The following INSRR variants were observed in gnomAD, a reference collection of about 807,000 sequenced individuals.
INSRR encodes insulin receptor related receptor, also known as insulin receptor-related protein.
INSRR carries 114 observed loss-of-function variants against 130.0 expected under a neutral mutation model. That is an observed-to-expected ratio of 0.88 (90% CI 0.75 to 1.02). The LOEUF (loss-of-function observed/expected upper bound fraction) is 1.02. Ranked by LOEUF, INSRR falls within the 50% of genes least tolerant of loss-of-function variation. The probability of loss-of-function intolerance (pLI) is 0.00; values close to 1 mark genes in which losing one functional copy is unlikely to be tolerated. For synonymous variants in INSRR, 674 were observed against 705.2 expected, an observed-to-expected ratio of 0.96 and a Z score of 0.70; for missense variants, 1,657 against 1,735.2, an observed-to-expected ratio of 0.95 and a Z score of 0.80.
Position 156,854,027 on chromosome 1 carries a change from G to A in INSRR, c.362C>T (p.Pro121Leu). Residue 121 changes from proline to leucine, a missense_variant, in exon 2 of 22, where the codon CCA becomes CTA. By Grantham distance (98) the Pro-to-Leu change is moderately conservative (BLOSUM62 -3). Coordinates refer to ENST00000368195, the MANE Select transcript of INSRR (RefSeq NM_014215.3). The surrounding 1 kb of genome is among the most constrained non-coding windows in gnomAD (Gnocchi z 4.2). ...AGGCAGTGCCACGTCACGCAGATGTGGCATCTCAAAGATGACCAGTGCATA... is the reference window on the plus strand; with the variant it reads ...AGGCAGTGCCACGTCACGCAGATGTAGCATCTCAAAGATGACCAGTGCATA... ...LGYALVIFEM[P>L]HLRDVALPAL... The A allele has an allele frequency of 5.0e-6, 8 of 1,614,046 alleles. No homozygotes were observed. Among genetic ancestry groups the A allele is most frequent in the Non-Finnish European group, 6.8e-6 (8 of 1,179,994 alleles).
At position 156,852,197 on chromosome 1, in the gene INSRR, G is replaced by C. The variant is rs1655241053; in HGVS notation, c.638-6C>G. 4 of 1,582,974 alleles carry C rather than the reference G, an allele frequency of 2.5e-6. No homozygotes were observed. The highest frequency in any genetic ancestry group is 3.4e-6 in the Non-Finnish European group (4 of 1,161,718). On this transcript the variant is annotated splice_region_variant and splice_polypyrimidine_tract_variant and intron_variant, in intron 2 of 21. Coordinates refer to ENST00000368195, the MANE Select transcript of INSRR (RefSeq NM_014215.3). ...CCCATGGGGGCAGGGGCACACTGTG[G>C]GGAGAGTGGTGTGTTAGACGTTGGC...
At chr1:156,844,097 A>T (rs984573138) in intron 15 of INSRR, 78 bp downstream of exon 15, 1 of 1,049,202 alleles carries the variant, frequency 9.5e-7, no homozygotes, top group Non-Finnish European at 1.5e-6. Flanking sequence ...CTACTGTCTC[A>T]TCTACCTCCC....
At chr1:156,857,097 G>A (rs923055877) in intron 1 of INSRR, among the ~76,000 whole-genome samples, 2 of 151,676 alleles carry the variant, frequency 1.3e-5, no homozygotes, top group Admixed American at 1.3e-4. Flanking sequence ...CTCCCTGGGG[G>A]TTACTTCACA....
chr1:156,848,830 T>C, intron 7 of INSRR, 91 bp downstream of exon 7: 5 of 1,459,578 alleles, frequency 3.4e-6, no homozygotes, highest in Non-Finnish European at 4.6e-6. Flanking sequence ...CTTCATAGCC[T>C]CGCTGAGCTC....
At position 156,841,003 on chromosome 1, in the gene INSRR, C is replaced by T. The variant is rs781090784; in HGVS notation, c.3764G>A (p.Arg1255His). 2.9e-5 allele frequency: 47 copies of T among 1,611,998 alleles called. No homozygotes were observed. Among genetic ancestry groups the T allele is most frequent in the East Asian group, 2.2e-4 (10 of 44,844 alleles). The change falls in exon 22 of 22, where the codon CGC (arginine) becomes CAC (histidine). Residue 1255 changes from arginine (R) to histidine (H), a missense_variant. Coordinates refer to ENST00000368195, the MANE Select transcript of INSRR (RefSeq NM_014215.3). ...SIQEELRPSF[R>H]LLSFYYSPEC... Reference sequence around the variant, plus strand: ...CGGGCTGTAGTAGAAGGAGAGGAGGCGGAAGGAGGGCCGCAGCTCCTCCTG... The same window carrying T: ...CGGGCTGTAGTAGAAGGAGAGGAGGTGGAAGGAGGGCCGCAGCTCCTCCTG...
chr1:156,841,607 C>T (rs1471063798), intron 20 of INSRR, 58 bp downstream of exon 20: 5 of 1,609,304 alleles, frequency 3.1e-6, no homozygotes, highest in African/African-American at 1.3e-5. Flanking sequence ...GTGTTCCAGG[C>T]CCCTCCCCAG....
At position 156,845,783 on chromosome 1, in the gene INSRR, C is replaced by T. The variant is rs1232395470; in HGVS notation, c.2010G>A (p.Pro670=). 1 of 1,613,114 alleles carries T rather than the reference C, an allele frequency of 6.2e-7. No homozygotes were observed. The highest frequency in any genetic ancestry group is 2.2e-5 in the East Asian group (1 of 44,868). Residue 670 remains proline, a synonymous_variant, in exon 10 of 22, where the codon CCG becomes CCA. Coordinates refer to ENST00000368195, the MANE Select transcript of INSRR (RefSeq NM_014215.3). ...GLRLPTSNND[P]RFDGEDGDPE... Reference sequence around the variant, plus strand: ...GATCCCCGTCTTCGCCGTCGAAGCGCGGATCGTTGTTGCTGGTGGGCAGCC... The same window carrying T: ...GATCCCCGTCTTCGCCGTCGAAGCGTGGATCGTTGTTGCTGGTGGGCAGCC...
Position 156,852,121 on chromosome 1 carries a change from GCCCC to G in INSRR, c.704_707del (p.Gly235AlafsTer12). ...CACGAGGGTCTTCTGGCTGGCTGCA[GCCCC>G]CCAGGCATTCGGTGTGGCAGCACTC... is the stretch of plus-strand genomic sequence containing the variant. On this transcript the variant is annotated frameshift_variant, in exon 3 of 22. Coordinates refer to ENST00000368195, the MANE Select transcript of INSRR (RefSeq NM_014215.3). LOFTEE classifies it high-confidence loss of function. 6.2e-7 allele frequency: 1 copy of G among 1,613,482 alleles called. No individual in the cohort carries two copies.
In INSRR at chr1:156,852,166, A is replaced by T; in HGVS notation, c.663T>A (p.Ala221=). The change falls in exon 3 of 22, where the codon GCT becomes GCA. Residue 221 remains alanine, a synonymous_variant. Coordinates refer to ENST00000368195, the MANE Select transcript of INSRR (RefSeq NM_014215.3). ...GGCAGCACTCGCCCCTCGCTGTGCA[A>T]GCCATCCCATGGGGGCAGGGGCACA... ...QRVCPCPHGM[A]CTARGECCHT... The T allele has an allele frequency of 6.2e-7, 1 of 1,605,444 alleles. No homozygotes were observed. Among genetic ancestry groups the T allele is most frequent in the Non-Finnish European group, 8.5e-7 (1 of 1,174,730 alleles).
intron 1 of INSRR, among the ~76,000 whole-genome samples, chr1:156,857,987 AGGAAGAG>A (rs1459361694): frequency 2.0e-5 from 3 of 151,798 alleles, no homozygotes; most frequent in Non-Finnish European, 2.9e-5. Context: ...TGGGGTGTTG[AGGAAGAG>A]CAGTCTTCCC....
Position 156,841,538 on chromosome 1 carries a change from T to G in INSRR, c.3528-10A>C, listed in dbSNP as rs1476386245. 1 of 1,613,940 alleles carries G rather than the reference T, an allele frequency of 6.2e-7. No homozygotes were observed. Among genetic ancestry groups the G allele is most frequent in the Non-Finnish European group, 8.5e-7 (1 of 1,179,942 alleles). ...TACCACGCCAAAGGACCTGGGGGCA[T>G]GCAGGAGCTCCTGAGCCCAGCACCC... On this transcript the variant is annotated splice_polypyrimidine_tract_variant and intron_variant, in intron 20 of 21. Transcript: ENST00000368195.
At chr1:156,850,462 C>T (rs1377890918) in intron 5 of INSRR, among the ~76,000 whole-genome samples, 1 of 151,170 alleles carries the variant, frequency 6.6e-6, no homozygotes, top group African/African-American at 2.4e-5. Flanking sequence ...ATCCTCCTGC[C>T]TTGCCCTCCC....
At position 156,849,273 on chromosome 1, in the gene INSRR, G is replaced by A. The variant is rs1655121034; in HGVS notation, c.1417C>T (p.Pro473Ser). Residue 473 changes from proline (P) to serine (S), a missense_variant, in exon 6 of 22, where the codon CCC (proline) becomes TCC (serine). Coordinates refer to ENST00000368195, the MANE Select transcript of INSRR (RefSeq NM_014215.3). ...RGRQNKAEIN[P>S]RTNGDRAACQ... The stretch of plus-strand genomic sequence containing the variant: ...GCGGCGCGGTCTCCGTTGGTGCGGG[G>A]GTTGATCTCAGCCTTGTTCTGCCGA... 2.5e-6 allele frequency: 4 copies of A among 1,613,962 alleles called. No homozygotes were observed. Among genetic ancestry groups the A allele is most frequent in the Non-Finnish European group, 3.4e-6 (4 of 1,180,018 alleles).
intron 1 of INSRR, among the ~76,000 whole-genome samples, chr1:156,857,774 G>T (rs973225615): frequency 1.3e-5 from 2 of 152,226 alleles, no homozygotes; most frequent in African/African-American, 4.8e-5. Flanking sequence ...TTCCTGAGCT[G>T]CTTCAGTTTG....
intron 1 of INSRR, among the ~76,000 whole-genome samples, chr1:156,855,480 C>G (rs925797656): frequency 3.3e-5 from 5 of 151,942 alleles, no homozygotes; most frequent in Admixed American, 3.3e-4. Flanking sequence ...GCTGGGATTA[C>G]AGGCGTGAAC....
At position 156,842,113 on chromosome 1, in the gene INSRR, C is replaced by T. The variant is rs1306587682; in HGVS notation, c.3396G>A (p.Gly1132=). 1.2e-5 allele frequency: 20 copies of T among 1,613,898 alleles called. No homozygotes were observed. The highest frequency in any genetic ancestry group is 1.6e-5 in the Non-Finnish European group (19 of 1,180,008). Residue 1132 remains glycine (G), a splice_region_variant and synonymous_variant, in exon 19 of 22, where the codon GGG becomes GGA. Coordinates refer to ENST00000368195, the MANE Select transcript of INSRR (RefSeq NM_014215.3). ...MVSQDFTVKI[G]DFGMTRDVYE... ...TCATCTGCCTGGCACCCTCTGTACC[C>T]CCGATCTTGACGGTGAAGTCCTGGG...
chr1:156,846,028 G>T lies in INSRR; in HGVS notation c.1902C>A (p.Asn634Lys). ...RWKPPTQRNG[N>K]LTYYLVLWQR... ...GCCACAGCACCAGGTAGTAGGTGAG[G>T]TTCCCATTGCGCTGGGTCGGTGGCT... The change falls in exon 9 of 22, where the codon AAC becomes AAA. Residue 634 changes from asparagine (N) to lysine (K), a missense_variant. Asn to Lys is a moderately conservative substitution (Grantham distance 94). Coordinates refer to ENST00000368195, the MANE Select transcript of INSRR (RefSeq NM_014215.3). The T allele has an allele frequency of 1.2e-6, 2 of 1,614,114 alleles. No homozygotes were observed. The highest frequency in any genetic ancestry group is 1.7e-6 in the Non-Finnish European group (2 of 1,180,006).
intron 8 of INSRR, 88 bp from the exon 9 acceptor site, chr1:156,846,207 C>A (rs1655002436): frequency 7.4e-7 from 1 of 1,343,658 alleles, no homozygotes; most frequent in Non-Finnish European, 1.0e-6. Context: ...TGGGGTCCAA[C>A]AGCCTTGTTC....
In INSRR at chr1:156,858,595, C is replaced by G; in HGVS notation, c.27G>C (p.Trp9Cys). The G allele has an allele frequency of 6.2e-7, 1 of 1,614,118 alleles. No homozygotes were observed. The highest frequency in any genetic ancestry group is 1.3e-5 in the African/African-American group (1 of 75,036). The change falls in exon 1 of 22, where the codon TGG becomes TGC. Residue 9 changes from tryptophan (W) to cysteine (C), a missense_variant. Trp to Cys is a radical substitution (Grantham distance 215, BLOSUM62 -2). Coordinates refer to ENST00000368195, the MANE Select transcript of INSRR (RefSeq NM_014215.3). ...GGAAGATCACAGGCAGGCATGCTCC[C>G]CAGGGCCACAGACTAGGCACTGCCA... is the stretch of plus-strand genomic sequence containing the variant. MAVPSLWP[W>C]GACLPVIFLS...
Sources: gnomAD v4.1 joint callset for allele counts (sites outside exome capture counted in the v4.1 genomes callset) on GRCh38, gnomAD v4.1.1 for gene constraint, Gnocchi (gnomAD v3.1) non-coding constraint, MANE v1.5 for transcripts, NCBI Gene and HGNC (gene_info 2026-07-23, HGNC 2026-07-21) for gene names.